CCT4: variants seen among roughly 807,000 people sequenced by gnomAD.
CCT4 encodes the protein T-complex protein 1 subunit delta.
Under a neutral mutation model 62.5 loss-of-function variants are expected in CCT4, and 17 were observed. The ratio of observed to expected loss-of-function variants is 0.27; its 90% CI spans 0.19 to 0.41. The LOEUF (loss-of-function observed/expected upper bound fraction) is 0.41, where lower values mean the gene tolerates loss of function less well. Among genes scored for constraint, CCT4 ranks in the 10% least tolerant of loss-of-function variants. The pLI is 1.00. For synonymous variants in CCT4, 250 were observed against 229.9 expected (o/e 1.09, Z -0.79); for missense variants, 592 against 659.2 (o/e 0.90, Z 1.12).
intron 5 of CCT4, 64 bp downstream of exon 5, chr2:61,878,805 T>A (rs1669052302): frequency 1.0e-5 from 12 of 1,155,638 alleles, no homozygotes; most frequent in Admixed American, 2.1e-5. Context: ...CCGTATAGCA[T>A]CAAGAATCAT....
At chr2:61,886,333 A>C (rs1269998143) in intron 1 of CCT4, among the ~76,000 whole-genome samples, 9 of 152,098 alleles carry the variant, frequency 5.9e-5, no homozygotes, top group Admixed American at 4.6e-4. Context: ...AACCGCTTGA[A>C]CCCAGGAGGC....
chr2:61,881,746 A>C (rs1043707047), intron 3 of CCT4, among the ~76,000 whole-genome samples: 1 of 152,108 alleles, frequency 6.6e-6, no homozygotes, highest in East Asian at 1.9e-4. Flanking sequence ...AAATCTTCAT[A>C]AACAATTTTT....
At chr2:61,883,423 A>AG (rs746037263) in intron 3 of CCT4, 36 bp downstream of exon 3, 1 of 1,071,496 alleles carries the variant, frequency 9.3e-7, no homozygotes, top group East Asian at 2.6e-5. Flanking sequence ...TCTCAAAAAA[A>AG]AAAAAAAAAA....
intron 5 of CCT4, 74 bp downstream of exon 5, chr2:61,878,794 AC>A (rs1184702459): frequency 4.0e-5 from 39 of 964,556 alleles, no homozygotes; most frequent in Non-Finnish European, 2.3e-5. Flanking sequence ...GTATTTATGT[AC>A]CGTATAGCAT....
At chr2:61,881,481 T>C (rs1669114882) in intron 3 of CCT4, among the ~76,000 whole-genome samples, 2 of 152,190 alleles carry the variant, frequency 1.3e-5, no homozygotes, top group Admixed American at 6.5e-5. Flanking sequence ...ACCAGGTTTA[T>C]GTTTTTAATC....
chr2:61,874,888 T>C (rs899957599), intron 8 of CCT4, among the ~76,000 whole-genome samples: 2 of 152,196 alleles, frequency 1.3e-5, no homozygotes, highest in African/African-American at 4.8e-5. Context: ...CTCATGCCTG[T>C]AACCCCAGCA....
At position 61,876,923 on chromosome 2, in the gene CCT4, T is replaced by C. The variant is rs776648626; in HGVS notation, c.774A>G (p.Thr258=). The C allele has an allele frequency of 1.9e-6, 3 of 1,607,132 alleles. No homozygotes were observed. Among genetic ancestry groups the C allele is most frequent in the South Asian group, 1.1e-5 (1 of 89,490 alleles). Residue 258 remains threonine (T), a synonymous_variant, in exon 7 of 14, where the codon ACA becomes ACG. Transcript: ENST00000394440. Reference sequence around the variant, plus strand: ...ATTTCATTTGGATTCTACTTACGTCTGTTTTGGGAGCAGATAAGCAAAACT... The same window carrying C: ...ATTTCATTTGGATTCTACTTACGTCCGTTTTGGGAGCAGATAAGCAAAACT... ...LIQFCLSAPK[T]DMDNQIVVSD...
chr2:61,868,596 G>C lies in CCT4; in HGVS notation c.*96C>G, dbSNP rs1460624934. The C allele has an allele frequency of 4.3e-6, 4 of 920,838 alleles. No individual in the cohort carries two copies. The highest frequency in any genetic ancestry group is 7.0e-6 in the Non-Finnish European group (4 of 571,054). The allele number at this position is 920,838 out of a possible 1,614,324, so 57.0% of individuals were successfully genotyped here. A position where few individuals can be genotyped will look rare whatever the true frequency, so the allele number is the denominator to read the frequency against. On this transcript the variant is annotated 3_prime_UTR_variant, in exon 14 of 14. Transcript: ENST00000394440. The stretch of plus-strand genomic sequence containing the variant: ...CTGGAAGACCAAGCCCAGAAATTCA[G>C]AGGAAATAATCTTCCAAACAAGGAA...
intron 2 of CCT4, among the ~76,000 whole-genome samples, chr2:61,883,782 A>G (rs1344633943): frequency 3.8e-5 from 5 of 132,050 alleles, no homozygotes; most frequent in Admixed American, 7.1e-5. Flanking sequence ...AGACACACAC[A>G]CACACACACA....
At chr2:61,869,634 A>C in intron 12 of CCT4, 81 bp from the exon 13 acceptor site, 1 of 762,414 alleles carries the variant, frequency 1.3e-6, no homozygotes, top group Non-Finnish European at 2.4e-6. Flanking sequence ...AGTGTACCTC[A>C]AGACCTAAAT....
At chr2:61,882,710 C>A (rs542459233) in intron 3 of CCT4, among the ~76,000 whole-genome samples, 136 of 152,164 alleles carry the variant, frequency 8.9e-4, no homozygotes, top group Middle Eastern at 3.4e-3. Context: ...AAGGTCTCGC[C>A]ATGTTGGCCA....
rs748567651 is a variant in CCT4 at position 61,877,070 on chromosome 2, CAA to C, written c.645-20_645-19del. 1.9e-6 allele frequency: 3 copies of C among 1,608,672 alleles called. No individual in the cohort carries two copies. Among genetic ancestry groups the C allele is most frequent in the African/African-American group, 1.3e-5 (1 of 74,686 alleles). ...TTGTCCCACTAAGGATAAAAGAAAA[CAA>C]AGAGGGGTAGTTAAGAGGGAGTGGA... On this transcript the variant is annotated intron_variant, in intron 6 of 13. Transcript: ENST00000394440.
intron 2 of CCT4, among the ~76,000 whole-genome samples, chr2:61,884,523 C>G (rs1669206470): frequency 6.6e-6 from 1 of 151,418 alleles, no homozygotes; most frequent in South Asian, 2.1e-4. Flanking sequence ...ATTGGCCAGG[C>G]TGGTCTTGAA....
At chr2:61,869,713 T>C (rs982711826) in intron 12 of CCT4, among the ~76,000 whole-genome samples, 160 bp from the exon 13 acceptor site, 1 of 152,140 alleles carries the variant, frequency 6.6e-6, no homozygotes, top group African/African-American at 2.4e-5. Context: ...CACTGTGGGA[T>C]GTTATTTCAA....
In CCT4 at chr2:61,886,368, C is replaced by T. The variant is rs111773487; in HGVS notation, c.128-1296G>A. 3.4e-3 allele frequency among the ~76,000 whole-genome samples: 511 copies of T among 152,306 alleles called. 4 individuals are homozygous for T. Among genetic ancestry groups the T allele is most frequent in the African/African-American group, 0.011 (473 of 41,572 alleles). ...CAGAAGTTGCAATGAGCAGAGATCACACCACTGCACTCCAGCCTGGGGGAC... is the reference window on the plus strand; with the variant it reads ...CAGAAGTTGCAATGAGCAGAGATCATACCACTGCACTCCAGCCTGGGGGAC... On this transcript the variant is annotated intron_variant, in intron 1 of 13. Coordinates refer to ENST00000394440, the MANE Select transcript of CCT4 (RefSeq NM_006430.4).
intron 1 of CCT4, 78 bp downstream of exon 1, chr2:61,888,303 G>C: frequency 6.5e-7 from 1 of 1,528,990 alleles, no homozygotes; most frequent in Non-Finnish European, 8.9e-7. Context: ...TGGGAAATGA[G>C]CCAAACCCGC....
intron 3 of CCT4, 44 bp from the exon 4 acceptor site, chr2:61,880,438 G>A (rs1157826702): frequency 5.7e-6 from 6 of 1,056,104 alleles, no homozygotes; most frequent in Admixed American, 2.0e-5. Flanking sequence ...AGAAATGACA[G>A]AACCCAGTAA....
At chr2:61,884,546 T>C (rs1192707830) in intron 2 of CCT4, among the ~76,000 whole-genome samples, 1 of 151,884 alleles carries the variant, frequency 6.6e-6, no homozygotes, top group Non-Finnish European at 1.5e-5. Flanking sequence ...CTTGACCTTG[T>C]GATCCACCCG....
intron 2 of CCT4, among the ~76,000 whole-genome samples, chr2:61,883,773 GACACACACACACACACACACACAC>G (rs59031193): frequency 2.1e-5 from 3 of 143,940 alleles, no homozygotes; most frequent in Admixed American, 7.2e-5. Flanking sequence ...AAGAAATGTA[GACACACACACACACACACACACAC>G]ACACACACAC....
Sources: allele counts gnomAD v4.1 joint callset (sites outside exome capture counted in the v4.1 genomes callset), GRCh38; gene constraint gnomAD v4.1.1; transcripts MANE v1.5; gene names NCBI Gene and HGNC (gene_info 2026-07-23, HGNC 2026-07-21).